Variants in HS6ST2 observed in about 807,000 individuals in gnomAD.
The protein encoded by HS6ST2 is heparan sulfate 6-O-sulfotransferase 2, also known as heparan-sulfate 6-O-sulfotransferase 2.
A neutral mutation model predicts 33.0 loss-of-function variants in HS6ST2; 17 were observed. The ratio of observed to expected loss-of-function variants is 0.52; its 90% CI spans 0.35 to 0.77. HS6ST2 has a LOEUF of 0.77. HS6ST2 is among the 30% of genes least tolerant of loss of function. HS6ST2 has a pLI of 0.01. For synonymous variants in HS6ST2, 248 were observed against 237.1 expected, an observed-to-expected ratio of 1.05 and a Z score of -0.42; for missense variants, 519 against 551.7, an observed-to-expected ratio of 0.94 and a Z score of 0.59.
intron 2 of HS6ST2, among the ~76,000 whole-genome samples, chrX:132,709,812 A>AACACACACACACACACAC (rs60459374): frequency 0.022 from 2,000 of 92,160 alleles, 48 homozygotes; most frequent in South Asian, 0.057. Flanking sequence ...GAAAAGACAA[A>AACACACACACACACACAC]ACACACACAC....
intron 1 of HS6ST2, 31 bp from the exon 2 acceptor site, chrX:132,957,357 C>T: frequency 8.8e-7 from 1 of 1,139,411 alleles, no homozygotes; most frequent in African/African-American, 1.8e-5. Flanking sequence ...TTACGTCAAT[C>T]CCGCAGCTCA....
chrX:132,811,685 A>AATATATATATGTATAT (rs1491477781), intron 2 of HS6ST2, among the ~76,000 whole-genome samples: 9 of 29,808 alleles, frequency 3.0e-4, no homozygotes, highest in African/African-American at 1.2e-3. Flanking sequence ...AAGGCTGAAT[A>AATATATATATGTATAT]ATATATATAT....
rs185793332 is a variant in HS6ST2 at position 132,941,163 on chromosome X, A to G, written c.947+15645T>C. Among the ~76,000 whole-genome samples, 4 of 111,887 alleles carry G rather than the reference A, an allele frequency of 3.6e-5. No individual in the cohort carries two copies. In the East Asian group the frequency reaches 1.1e-3, roughly 31 times the overall value. ...AATGCAACTGCTAACTTTCATACATACGAACACTGTATGTAGCCTTTCACT... is the reference window on the plus strand; with the variant it reads ...AATGCAACTGCTAACTTTCATACATGCGAACACTGTATGTAGCCTTTCACT... On this transcript the variant is annotated intron_variant, in intron 2 of 4. Coordinates refer to ENST00000370833, the MANE Select transcript of HS6ST2 (RefSeq NM_001394073.1).
chrX:132,718,699 A>G (rs1046651680), intron 2 of HS6ST2, among the ~76,000 whole-genome samples: 3 of 110,526 alleles, frequency 2.7e-5, no homozygotes, highest in African/African-American at 9.9e-5. Flanking sequence ...CTTGGCTATG[A>G]GTGCCAAGCA....
At chrX:132,908,991 GA>G (rs397975321) in intron 2 of HS6ST2, among the ~76,000 whole-genome samples, 504 of 40,851 alleles carry the variant, frequency 0.012, 3 homozygotes, top group African/African-American at 0.026. Flanking sequence ...GAACTCCACT[GA>G]AAAAAAAAAA....
intron 2 of HS6ST2, among the ~76,000 whole-genome samples, chrX:132,750,347 GAAAAAAAAAA>G (rs1156312851): frequency 1.8e-5 from 1 of 56,413 alleles, no homozygotes; most frequent in Non-Finnish European, 3.3e-5. Context: ...TGCCCATCAA[GAAAAAAAAAA>G]AAAAAAAAAA....
At chrX:132,880,267 G>A (rs1484772784) in intron 2 of HS6ST2, among the ~76,000 whole-genome samples, 1 of 111,669 alleles carries the variant, frequency 9.0e-6, no homozygotes, top group African/African-American at 3.3e-5. Flanking sequence ...CAGGTGCGGT[G>A]GCTCATGCCC....
At chrX:132,697,220 T>G (rs754317672) in intron 3 of HS6ST2, among the ~76,000 whole-genome samples, 8 of 111,935 alleles carry the variant, frequency 7.1e-5, no homozygotes, top group Non-Finnish European at 1.3e-4. Context: ...CTTTCCAGTT[T>G]GTTGTCTGTT....
chrX:132,646,636 G>A (rs1252779233), intron 4 of HS6ST2, among the ~76,000 whole-genome samples: 1 of 110,589 alleles, frequency 9.0e-6, no homozygotes, highest in African/African-American at 3.3e-5. Context: ...AAAAGAGCAA[G>A]GCCATCTAGT....
chrX:132,944,487 G>T (rs2066922420), intron 2 of HS6ST2, among the ~76,000 whole-genome samples: 1 of 111,646 alleles, frequency 9.0e-6, no homozygotes, highest in African/African-American at 3.3e-5. Context: ...TTTCTTCACA[G>T]AATTGGAAAA....
chrX:132,897,782 T>C (rs1331725480), intron 2 of HS6ST2, among the ~76,000 whole-genome samples: 1 of 111,580 alleles, frequency 9.0e-6, no homozygotes, highest in Non-Finnish European at 1.9e-5. Flanking sequence ...GTAACATATG[T>C]GTTTCAATTC....
intron 4 of HS6ST2, among the ~76,000 whole-genome samples, chrX:132,650,017 A>G (rs2063678437): frequency 1.8e-5 from 2 of 111,610 alleles, no homozygotes; most frequent in Admixed American, 1.9e-4. Flanking sequence ...GTGGTTGGCT[A>G]TTTTTCAAGA....
At chrX:132,905,066 T>A (rs931692005) in intron 2 of HS6ST2, among the ~76,000 whole-genome samples, 1 of 111,575 alleles carries the variant, frequency 9.0e-6, no homozygotes, top group Non-Finnish European at 1.9e-5. Flanking sequence ...GTCTTTCCCA[T>A]ATTTATTTAT....
At chrX:132,950,821 T>C (rs1435705131) in intron 2 of HS6ST2, among the ~76,000 whole-genome samples, 3 of 112,074 alleles carry the variant, frequency 2.7e-5, no homozygotes, top group African/African-American at 9.7e-5. Context: ...CAGATAAGCA[T>C]ATCTTATTCT....
intron 2 of HS6ST2, among the ~76,000 whole-genome samples, chrX:132,809,775 T>C (rs1057463649): frequency 1.8e-5 from 2 of 111,664 alleles, no homozygotes; most frequent in African/African-American, 3.3e-5. Context: ...AGGACAAAAA[T>C]AGAAATTATA....
chrX:132,712,774 C>G (rs1314791078), intron 2 of HS6ST2, among the ~76,000 whole-genome samples: 3 of 111,631 alleles, frequency 2.7e-5, no homozygotes, highest in African/African-American at 9.8e-5. Flanking sequence ...GCCTGTAATC[C>G]CAGCACTTTG....
Position 132,641,399 on chromosome X carries a change from G to C in HS6ST2, c.1068-12306C>G, listed in dbSNP as rs762528412. 2.7e-5 allele frequency among the ~76,000 whole-genome samples: 3 copies of C among 112,343 alleles called. No individual in the cohort carries two copies. The East Asian group carries it at 8.4e-4, about 32-fold the overall frequency. ...CCATCTCAAGTGATCTGCCCGCCTC[G>C]ACCTCCCAAAGTGTTGGGATTACAG... On this transcript the variant is annotated intron_variant, in intron 4 of 4. Transcript: ENST00000370833.
intron 2 of HS6ST2, among the ~76,000 whole-genome samples, chrX:132,727,508 C>T (rs2064407046): frequency 9.0e-6 from 1 of 111,246 alleles, no homozygotes; most frequent in Non-Finnish European, 1.9e-5. Context: ...CCATTTCCCA[C>T]TCTGGAAGAG....
chrX:132,733,447 G>C (rs1334765017), intron 2 of HS6ST2, among the ~76,000 whole-genome samples: 2 of 109,970 alleles, frequency 1.8e-5, no homozygotes, highest in African/African-American at 3.3e-5. Flanking sequence ...GACTAGCTAC[G>C]GGTCTCTTTT....
Sources: allele counts gnomAD v4.1 joint callset (sites outside exome capture counted in the v4.1 genomes callset), GRCh38; gene constraint gnomAD v4.1.1; transcripts MANE v1.5; gene names NCBI Gene and HGNC (gene_info 2026-07-23, HGNC 2026-07-21).